Variants in TENM3 observed in about 807,000 individuals in gnomAD.
The protein encoded by TENM3 is teneurin-3.
Under a neutral mutation model 255.1 loss-of-function variants are expected in TENM3, and 63 were observed. That is an observed-to-expected ratio of 0.25 (90% CI 0.20 to 0.30). TENM3 has a LOEUF of 0.30. Ranked by LOEUF, TENM3 falls within the 10% of genes least tolerant of loss-of-function variation. The pLI is 1.00. For missense variants in TENM3, 2,929 were observed against 3,461.1 expected (o/e 0.85, Z 3.86); for synonymous variants, 1,306 against 1,322.3 (o/e 0.99, Z 0.27).
At chr4:181,790,613 T>C in the TENM3 span, among the ~76,000 whole-genome samples, 1 of 152,190 alleles carries the variant, frequency 6.6e-6, no homozygotes, top group Non-Finnish European at 1.5e-5. Context: ...GTGAAGATAA[T>C]GGAAGGAAAC....
chr4:181,804,399 C>A, the TENM3 span, among the ~76,000 whole-genome samples: 2 of 152,104 alleles, frequency 1.3e-5, no homozygotes, highest in Non-Finnish European at 2.9e-5. Flanking sequence ...CTCTATCCAG[C>A]CCTAAAGGGG....
intron 3 of TENM3, among the ~76,000 whole-genome samples, chr4:182,358,516 GTT>G (rs1765722937): frequency 2.3e-4 from 1 of 4,324 alleles, no homozygotes; most frequent in Non-Finnish European, 0.016. Flanking sequence ...TTGGCTCTCT[GTT>G]TGTCTGTTAT....
intron 1 of TENM3, among the ~76,000 whole-genome samples, chr4:182,229,006 A>C (rs752237954): frequency 3.3e-5 from 5 of 152,220 alleles, no homozygotes; most frequent in Admixed American, 6.5e-5. Context: ...GGTGGATGAC[A>C]CTGACAGCCC....
the TENM3 span, among the ~76,000 whole-genome samples, chr4:181,519,870 A>C: frequency 1.3e-5 from 2 of 152,190 alleles, no homozygotes; most frequent in African/African-American, 4.8e-5. Flanking sequence ...TGGAAAGCAA[A>C]CCTCAGTGAA....
intron 3 of TENM3, among the ~76,000 whole-genome samples, chr4:182,397,235 TA>T (rs11429827): frequency 1.7e-4 from 24 of 143,400 alleles, no homozygotes; most frequent in East Asian, 4.2e-4. Context: ...GTTTTTAACA[TA>T]AAAAAAAAAA....
intron 3 of TENM3, among the ~76,000 whole-genome samples, chr4:182,593,083 A>C (rs891345467): frequency 7.9e-5 from 12 of 152,112 alleles, no homozygotes; most frequent in African/African-American, 2.7e-4. Flanking sequence ...TGTCTTTGAG[A>C]GTCCAGTGTA....
Position 182,186,795 on chromosome 4 carries a change from A to G in TENM3, c.-76+42041A>G, listed in dbSNP as rs1579641919. On this transcript the variant is annotated intron_variant, in intron 1 of 2. Coordinates refer to the TENM3 transcript ENST00000512480. ...TATATATATATATATATATATATAT[A>G]TATATATATATATATATATGGTCCT... Among the ~76,000 whole-genome samples, 5 of 86,998 alleles carry G rather than the reference A, an allele frequency of 5.7e-5. 2 individuals carry two copies. The highest frequency in any genetic ancestry group is 2.3e-4 in the African/African-American group (5 of 21,538). 57.1% of individuals were successfully genotyped at this position (86,998 alleles called of 152,430 possible). A position where few individuals can be genotyped will look rare whatever the true frequency, so the allele number is the denominator to read the frequency against.
intron 3 of TENM3, among the ~76,000 whole-genome samples, chr4:182,537,460 G>A (rs13110757): frequency 0.84 from 127,055 of 152,138 alleles, 53,233 homozygotes; most frequent in East Asian, 0.95. Flanking sequence ...TTTCTGTTTC[G>A]TGCTCCATTA....
At chr4:181,793,632 C>T in the TENM3 span, among the ~76,000 whole-genome samples, 1 of 152,144 alleles carries the variant, frequency 6.6e-6, no homozygotes, top group Non-Finnish European at 1.5e-5. Context: ...AGCTAAAGAA[C>T]TCAATTTCCA....
intron 3 of TENM3, among the ~76,000 whole-genome samples, chr4:182,362,977 T>A (rs1426048487): frequency 6.6e-6 from 1 of 152,118 alleles, no homozygotes; most frequent in Non-Finnish European, 1.5e-5. Flanking sequence ...GATACCTTTC[T>A]GTCTAAGATT....
chr4:182,398,703 A>T, intron 3 of TENM3, among the ~76,000 whole-genome samples: 1 of 152,182 alleles, frequency 6.6e-6, no homozygotes, highest in East Asian at 1.9e-4. Flanking sequence ...TTCAGTTTTT[A>T]TTTTGCTGAT....
chr4:182,066,599 A>ATAT, the TENM3 span, among the ~76,000 whole-genome samples: 11 of 137,116 alleles, frequency 8.0e-5, no homozygotes, highest in African/African-American at 2.9e-4. Context: ...GTAAAAAAAA[A>ATAT]ATATATATAT....
At chr4:181,786,501 G>A in the TENM3 span, among the ~76,000 whole-genome samples, 68 of 152,202 alleles carry the variant, frequency 4.5e-4, 2 homozygotes, top group Middle Eastern at 3.4e-3. Flanking sequence ...AGGGTTGAGG[G>A]GTGAGGGGTG....
At chr4:182,501,542 G>A (rs945134439) in intron 3 of TENM3, among the ~76,000 whole-genome samples, 6 of 152,018 alleles carry the variant, frequency 3.9e-5, no homozygotes, top group Non-Finnish European at 8.8e-5. Flanking sequence ...AAATCAAATA[G>A]CATTGAAAGG....
At chr4:182,615,169 G>A (rs576100475) in intron 4 of TENM3, among the ~76,000 whole-genome samples, 220 of 150,400 alleles carry the variant, frequency 1.5e-3, no homozygotes, top group African/African-American at 5.1e-3. Flanking sequence ...TAAATATTTA[G>A]AATTGAGTTT....
intron 3 of TENM3, among the ~76,000 whole-genome samples, chr4:182,498,778 C>A (rs1736047190): frequency 6.6e-6 from 1 of 152,068 alleles, no homozygotes; most frequent in Non-Finnish European, 1.5e-5. Context: ...TTGCTCGAAC[C>A]CTGGAGGCGG....
At chr4:182,324,429 GTGGGCACATTGGTGCCC>G (rs1763264729) in intron 2 of TENM3, among the ~76,000 whole-genome samples, 177 bp downstream of exon 2, 2 of 152,260 alleles carry the variant, frequency 1.3e-5, no homozygotes, top group African/African-American at 4.8e-5. Context: ...AAAGCCACCG[GTGGGCACATTGGTGCCC>G]CAGGCACAGG....
chr4:182,261,814 G>C (rs953827918), intron 1 of TENM3, among the ~76,000 whole-genome samples: 2 of 152,174 alleles, frequency 1.3e-5, no homozygotes, highest in African/African-American at 4.8e-5. Flanking sequence ...CGTCGTCTAT[G>C]CAGTCAAATC....
chr4:181,472,333 C>T, the TENM3 span, among the ~76,000 whole-genome samples: 1 of 151,124 alleles, frequency 6.6e-6, no homozygotes, highest in Admixed American at 6.6e-5. Context: ...GTGGAAGGAC[C>T]CTTACAACAA....
Sources: gnomAD v4.1 joint callset for allele counts (sites outside exome capture counted in the v4.1 genomes callset) on GRCh38, gnomAD v4.1.1 for gene constraint, MANE v1.5 for transcripts, NCBI Gene and HGNC (gene_info 2026-07-23, HGNC 2026-07-21) for gene names.